RBFOX1: variants seen among roughly 807,000 people sequenced by gnomAD.
The protein encoded by RBFOX1 is RNA binding fox-1 homolog 1.
A neutral mutation model predicts 57.7 loss-of-function variants in RBFOX1; 8 were observed. The ratio of observed to expected loss-of-function variants is 0.14; its 90% CI spans 0.08 to 0.25. The LOEUF is 0.25. Ranked by LOEUF, RBFOX1 falls within the 10% of genes least tolerant of loss-of-function variation. RBFOX1 has a pLI of 1.00. For missense variants in RBFOX1, 611 were observed against 548.5 expected, an observed-to-expected ratio of 1.11 and a Z score of -1.14; for synonymous variants, 326 against 222.4, an observed-to-expected ratio of 1.47 and a Z score of -4.15.
At chr16:6,906,244 C>CT (rs1178737509) in intron 3 of RBFOX1, among the ~76,000 whole-genome samples, 1 of 151,940 alleles carries the variant, frequency 6.6e-6, no homozygotes, top group African/African-American at 2.4e-5. Context: ...TTATTACCCC[C>CT]CCCCAAAATA....
intron 3 of RBFOX1, among the ~76,000 whole-genome samples, chr16:7,027,097 G>T (rs9302837): frequency 0.61 from 93,012 of 151,902 alleles, 28,801 homozygotes; most frequent in South Asian, 0.75. Flanking sequence ...GCTCTTTCCT[G>T]AACCCGTCTC....
intron 12 of RBFOX1, among the ~76,000 whole-genome samples, chr16:7,660,448 T>A (rs975293316): frequency 1.3e-5 from 2 of 152,160 alleles, no homozygotes; most frequent in African/African-American, 4.8e-5. Context: ...TGGATCCCTG[T>A]GCCTCTTTCC....
chr16:6,865,796 G>T (rs536857307), intron 3 of RBFOX1, among the ~76,000 whole-genome samples: 1 of 152,030 alleles, frequency 6.6e-6, no homozygotes, highest in Non-Finnish European at 1.5e-5. Flanking sequence ...AGCAGTATTA[G>T]ATAACAGTTG....
chr16:6,492,297 A>T (rs1297494315), intron 2 of RBFOX1, among the ~76,000 whole-genome samples: 1 of 152,216 alleles, frequency 6.6e-6, no homozygotes, highest in Non-Finnish European at 1.5e-5. Flanking sequence ...TAGGCTGGGC[A>T]CGATGGCCCA....
chr16:6,412,640 T>G (rs962536885), intron 2 of RBFOX1, among the ~76,000 whole-genome samples: 1 of 152,260 alleles, frequency 6.6e-6, no homozygotes, highest in African/African-American at 2.4e-5. Context: ...AGCAAGCGCT[T>G]CACATGCACT....
chr16:5,360,791 T>C (rs1242875792), intron 1 of RBFOX1, among the ~76,000 whole-genome samples: 1 of 152,208 alleles, frequency 6.6e-6, no homozygotes, highest in Admixed American at 6.5e-5. Context: ...ATGGATTCAA[T>C]GAAATCGTAC....
intron 3 of RBFOX1, among the ~76,000 whole-genome samples, chr16:5,619,112 C>T (rs2151276120): frequency 1.3e-5 from 2 of 152,316 alleles, no homozygotes; most frequent in Middle Eastern, 6.8e-3. Flanking sequence ...GGAGGAACCA[C>T]ATGGGAAAAT....
chr16:6,148,576 C>A (rs2096775779), intron 1 of RBFOX1, among the ~76,000 whole-genome samples: 1 of 152,148 alleles, frequency 6.6e-6, no homozygotes, highest in Non-Finnish European at 1.5e-5. Flanking sequence ...AGTCATGTTC[C>A]TGGCACCTAG....
intron 2 of RBFOX1, among the ~76,000 whole-genome samples, chr16:6,357,094 C>T (rs1261870118): frequency 6.6e-6 from 1 of 152,042 alleles, no homozygotes; most frequent in East Asian, 1.9e-4. Context: ...CGCTCACTCT[C>T]CCCAGTCCCT....
intron 3 of RBFOX1, among the ~76,000 whole-genome samples, chr16:6,920,019 G>A (rs1187855474): frequency 6.6e-6 from 1 of 151,916 alleles, no homozygotes; most frequent in East Asian, 1.9e-4. Flanking sequence ...TCCCTTATAA[G>A]ACGGAAAATA....
At chr16:6,732,501 C>T (rs2345488) in intron 3 of RBFOX1, among the ~76,000 whole-genome samples, 137,876 of 152,212 alleles carry the variant, frequency 0.91, 64,069 homozygotes, top group East Asian at 1. Flanking sequence ...GGGGGATGGG[C>T]TTAGGATCGT....
At chr16:6,791,073 ATT>A (rs2082848742) in intron 3 of RBFOX1, among the ~76,000 whole-genome samples, 1 of 151,784 alleles carries the variant, frequency 6.6e-6, no homozygotes, top group African/African-American at 2.4e-5. Flanking sequence ...TACCTGACTA[ATT>A]TTTGCATTTT....
chr16:6,721,994 T>G (rs572435540), intron 3 of RBFOX1: 2 of 152,984 alleles, frequency 1.3e-5, no homozygotes, highest in South Asian at 2.1e-4. Context: ...TATTACAGCA[T>G]GTATCAAAAT....
At chr16:6,277,393 G>A (rs1239474078) in intron 1 of RBFOX1, among the ~76,000 whole-genome samples, 1 of 144,076 alleles carries the variant, frequency 6.9e-6, no homozygotes, top group Non-Finnish European at 1.5e-5. Flanking sequence ...GGAGGCTGAG[G>A]CAGCATTGAA....
intron 2 of RBFOX1, among the ~76,000 whole-genome samples, chr16:5,517,937 T>C (rs1479249401): frequency 6.6e-6 from 1 of 150,538 alleles, no homozygotes; most frequent in Non-Finnish European, 1.5e-5. Context: ...CTACTGTGTG[T>C]GTGTGTGTGT....
At chr16:5,324,486 C>G (rs1447803723) in intron 1 of RBFOX1, among the ~76,000 whole-genome samples, 1 of 152,038 alleles carries the variant, frequency 6.6e-6, no homozygotes, top group African/African-American at 2.4e-5. Flanking sequence ...ATACACAATC[C>G]TAGCCCTGCC....
intron 1 of RBFOX1, among the ~76,000 whole-genome samples, chr16:6,262,808 C>G (rs982392254): frequency 6.6e-6 from 1 of 152,138 alleles, no homozygotes; most frequent in Non-Finnish European, 1.5e-5. Flanking sequence ...TCCAAGGAAG[C>G]GCCCATTCTA....
intron 4 of RBFOX1, among the ~76,000 whole-genome samples, chr16:7,513,100 A>G: frequency 6.6e-6 from 1 of 151,964 alleles, no homozygotes; most frequent in East Asian, 1.9e-4. Context: ...CGTCTCTACT[A>G]AAAATACAAA....
intron 3 of RBFOX1, among the ~76,000 whole-genome samples, chr16:6,843,484 C>G (rs149903463): frequency 1.1e-4 from 17 of 152,064 alleles, no homozygotes; most frequent in Admixed American, 2.6e-4. Context: ...GTCAGGAGAT[C>G]GAGACCATCC....
Sources: gnomAD v4.1 joint callset for allele counts (sites outside exome capture counted in the v4.1 genomes callset) on GRCh38, gnomAD v4.1.1 for gene constraint, MANE v1.5 for transcripts, NCBI Gene and HGNC (gene_info 2026-07-23, HGNC 2026-07-21) for gene names.